Variants in HECW1 observed in about 807,000 individuals in gnomAD.
HECW1 encodes the protein HECT, C2 and WW domain containing E3 ubiquitin protein ligase 1.
A neutral mutation model predicts 182.3 loss-of-function variants in HECW1; 61 were observed. The ratio of observed to expected loss-of-function variants is 0.33; its 90% CI spans 0.27 to 0.41. The LOEUF is 0.41. HECW1 is among the 10% of genes least tolerant of loss of function. The pLI is 1.00. For synonymous variants in HECW1, 859 were observed against 832.6 expected, an observed-to-expected ratio of 1.03 and a Z score of -0.55; for missense variants, 1,739 against 2,108.9, an observed-to-expected ratio of 0.82 and a Z score of 3.44.
intron 16 of HECW1, among the ~76,000 whole-genome samples, chr7:43,470,644 C>T (rs1215456754): frequency 6.6e-6 from 1 of 152,136 alleles, no homozygotes; most frequent in Non-Finnish European, 1.5e-5. Flanking sequence ...TTCTCTTTAG[C>T]AAGAAGATAT....
At chr7:43,211,130 G>A (rs1259215688) in intron 2 of HECW1, among the ~76,000 whole-genome samples, 1 of 152,154 alleles carries the variant, frequency 6.6e-6, no homozygotes. Context: ...TTAGTCGGGT[G>A]TGAGCTAAGT....
intron 25 of HECW1, among the ~76,000 whole-genome samples, chr7:43,541,515 TTA>T (rs1472793271): frequency 6.6e-6 from 1 of 152,254 alleles, no homozygotes; most frequent in African/African-American, 2.4e-5. Context: ...ATGAATCATT[TTA>T]TATAAAATTA....
At chr7:43,217,713 T>C (rs1162526352) in intron 2 of HECW1, among the ~76,000 whole-genome samples, 1 of 152,246 alleles carries the variant, frequency 6.6e-6, no homozygotes, top group South Asian at 2.1e-4. Context: ...CTTTCTGAAC[T>C]GTATCCTATT....
intron 3 of HECW1, among the ~76,000 whole-genome samples, chr7:43,261,488 G>A (rs770861058): frequency 7.9e-5 from 12 of 152,110 alleles, no homozygotes; most frequent in Admixed American, 1.3e-4. Context: ...CCAAGTGCAA[G>A]GCAGTTTAAA....
chr7:43,178,130 C>T (rs1342739001), intron 2 of HECW1, among the ~76,000 whole-genome samples: 2 of 152,200 alleles, frequency 1.3e-5, no homozygotes, highest in Non-Finnish European at 2.9e-5. Flanking sequence ...CTTCAGCCTC[C>T]AAAGTAGCTG....
chr7:43,313,885 A>G (rs998611938), intron 4 of HECW1, among the ~76,000 whole-genome samples: 17 of 151,950 alleles, frequency 1.1e-4, no homozygotes, highest in Non-Finnish European at 1.9e-4. Context: ...CTTCATCATG[A>G]GTGTCTTTTG....
chr7:43,233,850 A>G (rs544194450), intron 2 of HECW1, among the ~76,000 whole-genome samples: 8 of 152,228 alleles, frequency 5.3e-5, no homozygotes, highest in Non-Finnish European at 1.2e-4. Context: ...GGAAGTAGGT[A>G]TAGCAACACA....
intron 3 of HECW1, among the ~76,000 whole-genome samples, chr7:43,284,874 C>T (rs972898999): frequency 6.6e-6 from 1 of 151,976 alleles, no homozygotes; most frequent in East Asian, 1.9e-4. Context: ...TAAGAAACAC[C>T]CAAGGTTGCA....
intron 2 of HECW1, among the ~76,000 whole-genome samples, chr7:43,223,868 G>T (rs966045027): frequency 6.6e-6 from 1 of 152,136 alleles, no homozygotes; most frequent in African/African-American, 2.4e-5. Context: ...CCCTACCCTG[G>T]CTGTGAATCC....
At chr7:43,166,991 G>A (rs1791196201) in intron 2 of HECW1, among the ~76,000 whole-genome samples, 1 of 152,226 alleles carries the variant, frequency 6.6e-6, no homozygotes, top group South Asian at 2.1e-4. Context: ...CGCAAGGCAG[G>A]CAAGAGGCAT....
intron 19 of HECW1, among the ~76,000 whole-genome samples, chr7:43,500,016 T>G (rs1351071412): frequency 6.6e-6 from 1 of 151,956 alleles, no homozygotes; most frequent in Non-Finnish European, 1.5e-5. Context: ...AAATTTTCCA[T>G]CAGGCACAAG....
At chr7:43,544,134 C>T (rs11764328) in intron 26 of HECW1, among the ~76,000 whole-genome samples, 19 of 151,986 alleles carry the variant, frequency 1.3e-4, no homozygotes, top group African/African-American at 4.6e-4. Flanking sequence ...ATACAGATAT[C>T]GCACAAATTC....
chr7:43,353,321 C>G (rs1260757127), intron 5 of HECW1, among the ~76,000 whole-genome samples: 2 of 151,968 alleles, frequency 1.3e-5, no homozygotes, highest in Non-Finnish European at 2.9e-5. Context: ...AAAGGAAGAT[C>G]AATTTATAAT....
rs141886637 is a variant in HECW1, at chr7:43,481,900, G to A, written c.3234+2156G>A. 1.6e-3 allele frequency among the ~76,000 whole-genome samples: 235 copies of A among 151,210 alleles called. 2 individuals are homozygous for A. Among genetic ancestry groups the A allele is most frequent in the African/African-American group, 5.2e-3 (212 of 41,164 alleles). ...ACTCGGGAGGCTGAGGCGTGAACCCGGGAGGCAGAGCTTGCAGTGAGCCGA... is the reference window on the plus strand; with the variant it reads ...ACTCGGGAGGCTGAGGCGTGAACCCAGGAGGCAGAGCTTGCAGTGAGCCGA... On this transcript the variant is annotated intron_variant, in intron 17 of 29. Transcript: ENST00000395891.
intron 3 of HECW1, among the ~76,000 whole-genome samples, chr7:43,294,742 G>C (rs1056025754): frequency 1.3e-5 from 2 of 152,116 alleles, no homozygotes; most frequent in African/African-American, 2.4e-5. Context: ...GACTTCAAAA[G>C]CTTTTGTCCC....
chr7:43,475,851 T>C (rs577164493), intron 16 of HECW1, among the ~76,000 whole-genome samples: 140 of 152,300 alleles, frequency 9.2e-4, no homozygotes, highest in Non-Finnish European at 1.6e-3. Flanking sequence ...GTGTGATGAA[T>C]ACACATTTAT....
chr7:43,503,344 T>C (rs1454467493), intron 21 of HECW1, among the ~76,000 whole-genome samples: 1 of 152,234 alleles, frequency 6.6e-6, no homozygotes, highest in African/African-American at 2.4e-5. Flanking sequence ...GCTGTAGGAC[T>C]GCATGATGGT....
intron 2 of HECW1, among the ~76,000 whole-genome samples, chr7:43,205,384 G>A (rs1458346888): frequency 6.6e-6 from 1 of 152,154 alleles, no homozygotes; most frequent in Non-Finnish European, 1.5e-5. Flanking sequence ...AGTTTTCTCA[G>A]GCAGGCATTT....
chr7:43,137,528 T>TTTATTTATTTATTTATTTA (rs1562585528), intron 2 of HECW1, among the ~76,000 whole-genome samples: 52 of 147,544 alleles, frequency 3.5e-4, no homozygotes, highest in Middle Eastern at 3.5e-3. Flanking sequence ...TTCTGCCTTC[T>TTTATTTATTTATTTATTTA]TTTATTTATT....
Sources: gnomAD v4.1 joint callset for allele counts (sites outside exome capture counted in the v4.1 genomes callset) on GRCh38, gnomAD v4.1.1 for gene constraint, MANE v1.5 for transcripts, NCBI Gene and HGNC (gene_info 2026-07-23, HGNC 2026-07-21) for gene names.